Variants in HECTD2 observed in about 807,000 individuals in gnomAD.
The protein encoded by HECTD2 is HECT domain E3 ubiquitin protein ligase 2, also known as probable E3 ubiquitin-protein ligase HECTD2.
A neutral mutation model predicts 103.2 loss-of-function variants in HECTD2; 35 were observed. That is an observed-to-expected ratio of 0.34 (90% CI 0.26 to 0.45). The LOEUF is 0.45. Ranked by LOEUF, HECTD2 falls within the 20% of genes least tolerant of loss-of-function variation. The pLI is 1.00. For synonymous variants in HECTD2, 281 were observed against 329.9 expected, an observed-to-expected ratio of 0.85 and a Z score of 1.61; for missense variants, 596 against 937.4, an observed-to-expected ratio of 0.64 and a Z score of 4.76.
At chr10:91,455,414 G>A (rs185034048) in intron 2 of HECTD2, among the ~76,000 whole-genome samples, 2 of 152,172 alleles carry the variant, frequency 1.3e-5, no homozygotes, top group East Asian at 3.9e-4. Context: ...CTTGTTGATG[G>A]GGTTGTTTGT....
intron 5 of HECTD2, among the ~76,000 whole-genome samples, chr10:91,469,142 CAGAA>C (rs1350036603): frequency 2.6e-5 from 4 of 152,132 alleles, no homozygotes; most frequent in Admixed American, 1.3e-4. Context: ...ATTGACATCT[CAGAA>C]AGAGAGGGAG....
At chr10:91,421,502 G>GA (rs1400922606) in intron 1 of HECTD2, among the ~76,000 whole-genome samples, 7 of 151,950 alleles carry the variant, frequency 4.6e-5, no homozygotes, top group South Asian at 4.1e-4. Flanking sequence ...GAGCTAAAAA[G>GA]AAAAAATCAC....
At chr10:91,496,484 C>T (rs1476035292) in intron 15 of HECTD2, 112 bp downstream of exon 15, 1 of 719,408 alleles carries the variant, frequency 1.4e-6, no homozygotes, top group Admixed American at 3.4e-5. Context: ...TTTCCTTCTA[C>T]CTTTATAACT....
intron 2 of HECTD2, among the ~76,000 whole-genome samples, chr10:91,429,033 T>C (rs1286349007): frequency 1.3e-5 from 2 of 152,180 alleles, no homozygotes; most frequent in South Asian, 2.1e-4. Context: ...ATAGCTCTTA[T>C]TATTTTGAAA....
At chr10:91,496,511 C>A (rs1589543161) in intron 15 of HECTD2, 139 bp downstream of exon 15, 3 of 608,362 alleles carry the variant, frequency 4.9e-6, no homozygotes, top group African/African-American at 1.9e-5. Flanking sequence ...CTTTTTTCAT[C>A]TAGCTTTTTC....
Position 91,512,473 on chromosome 10 carries a change from C to A in HECTD2, c.*89C>A. 1.7e-6 allele frequency: 2 copies of A among 1,199,328 alleles called. No individual in the cohort carries two copies. Among genetic ancestry groups the A allele is most frequent in the Non-Finnish European group, 2.3e-6 (2 of 859,002 alleles). The allele number at this position is 1,199,328 out of a possible 1,614,324, so 74.3% of individuals were successfully genotyped here. ...GCCTTTTCATGTTTCTGTCTCAAAA[C>A]ACTTTGACAAAGCTCACCAACTTTA... On this transcript the variant is annotated 3_prime_UTR_variant, in exon 21 of 21. Transcript: ENST00000298068.
intron 5 of HECTD2, among the ~76,000 whole-genome samples, chr10:91,468,021 CCTA>C (rs1268958663): frequency 3.9e-5 from 6 of 152,196 alleles, no homozygotes; most frequent in African/African-American, 1.4e-4. Context: ...CAAGCCCACT[CCTA>C]CTAGTACCTT....
chr10:91,427,351 T>A (rs1002400782), intron 2 of HECTD2, among the ~76,000 whole-genome samples: 1 of 152,010 alleles, frequency 6.6e-6, no homozygotes, highest in African/African-American at 2.4e-5. Flanking sequence ...TTTATAGTCC[T>A]TTGGGTATAT....
At chr10:91,424,792 C>G (rs1361513450) in intron 1 of HECTD2, among the ~76,000 whole-genome samples, 1 of 152,002 alleles carries the variant, frequency 6.6e-6, no homozygotes, top group African/African-American at 2.4e-5. Flanking sequence ...AACATAAACT[C>G]TAAAGGGTTA....
At chr10:91,449,761 G>A (rs12269643) in intron 2 of HECTD2, among the ~76,000 whole-genome samples, 20,434 of 151,978 alleles carry the variant, frequency 0.13, 3,110 homozygotes, top group African/African-American at 0.38. Flanking sequence ...CAAATCATGA[G>A]TGACCCCCAT....
intron 2 of HECTD2, among the ~76,000 whole-genome samples, chr10:91,439,957 G>T (rs1486381395): frequency 6.6e-6 from 1 of 152,158 alleles, no homozygotes; most frequent in Non-Finnish European, 1.5e-5. Context: ...TGCTGAAGTT[G>T]CATATCAGCT....
At chr10:91,509,391 A>G (rs1564741919) in intron 20 of HECTD2, among the ~76,000 whole-genome samples, 1 of 152,214 alleles carries the variant, frequency 6.6e-6, no homozygotes, top group African/African-American at 2.4e-5. Flanking sequence ...GCCATTGTGG[A>G]AAGCAGTATG....
chr10:91,480,995 C>A lies in HECTD2; in HGVS notation c.666-99C>A, dbSNP rs1846069608. The A allele has an allele frequency of 4.2e-6, 3 of 718,762 alleles. No homozygotes were observed. In the Admixed American group the frequency reaches 9.1e-5, roughly 22 times the overall value. The allele number at this position is 718,762 out of a possible 1,614,324, so 44.5% of individuals were successfully genotyped here. A position where few individuals can be genotyped will look rare whatever the true frequency, so the allele number is the denominator to read the frequency against. On this transcript the variant is annotated intron_variant, in intron 6 of 20. Transcript: ENST00000298068. ...ATATTAATCCTAGTTTTTGGCTTTT[C>A]TCAACTCAGTCTTCATAGAAAAGTT... is the stretch of plus-strand genomic sequence containing the variant.
intron 1 of HECTD2, among the ~76,000 whole-genome samples, chr10:91,420,365 C>T (rs1843304104): frequency 6.7e-6 from 1 of 149,848 alleles, no homozygotes; most frequent in African/African-American, 2.5e-5. Flanking sequence ...GCAGGTAGAT[C>T]ATGAGGTCAG....
intron 1 of HECTD2, among the ~76,000 whole-genome samples, chr10:91,421,580 G>A (rs1220516093): frequency 6.6e-6 from 1 of 152,174 alleles, no homozygotes; most frequent in Non-Finnish European, 1.5e-5. Flanking sequence ...AGCCATCCTG[G>A]GCTGCATGCA....
chr10:91,493,691 AGAAAT>A (rs1846559721), intron 14 of HECTD2, among the ~76,000 whole-genome samples, 183 bp downstream of exon 14: 1 of 152,028 alleles, frequency 6.6e-6, no homozygotes, highest in Admixed American at 6.5e-5. Flanking sequence ...CTTAATTGAA[AGAAAT>A]GAGAGTTTGA....
chr10:91,438,566 G>T (rs1255076838), intron 2 of HECTD2, among the ~76,000 whole-genome samples: 3 of 152,156 alleles, frequency 2.0e-5, no homozygotes, highest in East Asian at 3.8e-4. Flanking sequence ...ATAGTAGAAT[G>T]ATTTATCTTC....
At chr10:91,460,587 TA>T in intron 3 of HECTD2, 22 bp downstream of exon 3, 2 of 1,596,802 alleles carry the variant, frequency 1.3e-6, no homozygotes, top group South Asian at 1.1e-5. Context: ...CTATTATATG[TA>T]AATGTATAGT....
chr10:91,480,751 T>C (rs1846061405), intron 6 of HECTD2, among the ~76,000 whole-genome samples: 1 of 152,088 alleles, frequency 6.6e-6, no homozygotes, highest in African/African-American at 2.4e-5. Context: ...TACATAAATG[T>C]TCTTAAGTAA....
Sources: allele counts gnomAD v4.1 joint callset (sites outside exome capture counted in the v4.1 genomes callset), GRCh38; gene constraint gnomAD v4.1.1; transcripts MANE v1.5; gene names NCBI Gene and HGNC (gene_info 2026-07-23, HGNC 2026-07-21).